CUX2: variants seen among roughly 807,000 people sequenced by gnomAD.
The protein encoded by CUX2 is cut like homeobox 2.
In CUX2, 40 loss-of-function variants were observed where a neutral mutation model predicts 144.8. That is an observed-to-expected ratio of 0.28 (90% CI 0.21 to 0.36). The LOEUF (loss-of-function observed/expected upper bound fraction) is 0.36, where lower values mean the gene tolerates loss of function less well. Among genes scored for constraint, CUX2 ranks in the 10% least tolerant of loss-of-function variants. The pLI is 1.00. For synonymous variants in CUX2, 827 were observed against 875.6 expected (o/e 0.94, Z 0.98); for missense variants, 1,615 against 1,994.0 (o/e 0.81, Z 3.62).
At chr12:111,345,199 CA>C (rs1888739155) in intron 21 of CUX2, among the ~76,000 whole-genome samples, 1 of 151,846 alleles carries the variant, frequency 6.6e-6, no homozygotes, top group East Asian at 1.9e-4. Flanking sequence ...CCTGTAATCC[CA>C]GCACTTTGGG....
At chr12:111,313,806 G>GC (rs1887030691) in intron 16 of CUX2, among the ~76,000 whole-genome samples, 1 of 152,112 alleles carries the variant, frequency 6.6e-6, no homozygotes, top group Non-Finnish European at 1.5e-5. Flanking sequence ...CGACTCTGCT[G>GC]GTGTGGCTGT....
rs1207339905 is a variant in CUX2, at chr12:111,068,939, C to T, written c.63+34699C>T. On this transcript the variant is annotated intron_variant, in intron 1 of 21. Transcript: ENST00000261726. The surrounding 1 kb of genome is among the most constrained non-coding windows in gnomAD (Gnocchi z 4.9). The stretch of plus-strand genomic sequence containing the variant: ...TGGCCAACATGGTGAAACCCCATCT[C>T]TACTAATAATACAAAAAATAGCCGG... Among the ~76,000 whole-genome samples the T allele has an allele frequency of 6.6e-6, 1 of 152,096 alleles. No homozygotes were observed. Among genetic ancestry groups the T allele is most frequent in the African/African-American group, 2.4e-5 (1 of 41,418 alleles).
chr12:111,038,969 T>A (rs914459062), intron 1 of CUX2, among the ~76,000 whole-genome samples: 2 of 152,006 alleles, frequency 1.3e-5, no homozygotes, highest in African/African-American at 2.4e-5. Context: ...TTTTTTTTTT[T>A]AAACTCTCCT....
Position 111,336,128 on chromosome 12 carries a change from C to T in CUX2, c.3196+1418C>T, listed in dbSNP as rs549290488. On this transcript the variant is annotated intron_variant, in intron 19 of 21. Coordinates refer to ENST00000261726, the MANE Select transcript of CUX2 (RefSeq NM_015267.4). ...AAGACGTGGAGAACCCCAGTCACTG[C>T]GGAACTCCAGCTCAGTCCTCACCCG... Among the ~76,000 whole-genome samples, 37 of 152,228 alleles carry T rather than the reference C, an allele frequency of 2.4e-4. 1 individual carries two copies. Among genetic ancestry groups the T allele is most frequent in the African/African-American group, 7.0e-4 (29 of 41,550 alleles).
chr12:111,110,855 C>T (rs185204978), intron 1 of CUX2, among the ~76,000 whole-genome samples: 4 of 152,260 alleles, frequency 2.6e-5, no homozygotes, highest in Non-Finnish European at 4.4e-5. Flanking sequence ...GGAACCCACA[C>T]GTTCAAAGGA....
chr12:111,086,022 C>T (rs1427424967), intron 1 of CUX2, among the ~76,000 whole-genome samples: 1 of 152,202 alleles, frequency 6.6e-6, no homozygotes, highest in African/African-American at 2.4e-5. Flanking sequence ...GAGGCTCCTA[C>T]CTTGTGCCAG....
Position 111,277,654 on chromosome 12 carries a change from TCATTTCCTG to T in CUX2, c.302-13762_302-13754del, listed in dbSNP as rs1460695209. Reference sequence around the variant, plus strand: ...GCCCCAGGAGGGCAGGAATTTTCTATCATTTCCTGCTGGACCTCCACGGCCCAGAGCTTT... The same window carrying T: ...GCCCCAGGAGGGCAGGAATTTTCTATCTGGACCTCCACGGCCCAGAGCTTT... On this transcript the variant is annotated intron_variant, in intron 4 of 21. Coordinates refer to ENST00000261726, the MANE Select transcript of CUX2 (RefSeq NM_015267.4). This position sits in a 1 kb window ranked among gnomAD's most constrained non-coding sequence, Gnocchi z 5.0. Among the ~76,000 whole-genome samples, 1 of 152,144 alleles carries T rather than the reference TCATTTCCTG, an allele frequency of 6.6e-6. No individual in the cohort carries two copies. Among genetic ancestry groups the T allele is most frequent in the Non-Finnish European group, 1.5e-5 (1 of 68,034 alleles).
chr12:111,306,989 G>A lies in CUX2; in HGVS notation c.927G>A (p.Glu309=). 1.2e-6 allele frequency: 2 copies of A among 1,613,818 alleles called. No homozygotes were observed. The highest frequency in any genetic ancestry group is 1.7e-6 in the Non-Finnish European group (2 of 1,179,960). The change falls in exon 11 of 22, where the codon GAG becomes GAA. Residue 309 remains glutamate (E), a synonymous_variant. Coordinates refer to ENST00000261726, the MANE Select transcript of CUX2 (RefSeq NM_015267.4). ...LEAALASKDR[E]ILRLLKDVQH... ...CCGCGCTGGCCTCCAAGGACAGGGAGATCCTGCGGCTGCTGAAGGACGTGC... is the reference window on the plus strand; with the variant it reads ...CCGCGCTGGCCTCCAAGGACAGGGAAATCCTGCGGCTGCTGAAGGACGTGC...
At chr12:111,065,070 T>A (rs936885780) in intron 1 of CUX2, among the ~76,000 whole-genome samples, 3 of 152,224 alleles carry the variant, frequency 2.0e-5, no homozygotes, top group Non-Finnish European at 2.9e-5. Flanking sequence ...CAGTTCCCCA[T>A]GTGTTTTGTA....
intron 2 of CUX2, among the ~76,000 whole-genome samples, chr12:111,216,003 T>A (rs2136226947): frequency 6.6e-6 from 1 of 152,382 alleles, no homozygotes; most frequent in Middle Eastern, 3.4e-3. Flanking sequence ...CAGTCTCTCC[T>A]GATGGAGAAA....
rs572641438 is a variant in CUX2, at chr12:111,068,301, G to T, written c.63+34061G>T. Reference sequence around the variant, plus strand: ...TCTTTCTTTCTTGGATTTGCTCTGGGGTTGGCTTCCTCGAACCAAAATAAC... The same window carrying T: ...TCTTTCTTTCTTGGATTTGCTCTGGTGTTGGCTTCCTCGAACCAAAATAAC... On this transcript the variant is annotated intron_variant, in intron 1 of 21. Coordinates refer to ENST00000261726, the MANE Select transcript of CUX2 (RefSeq NM_015267.4). The surrounding 1 kb of genome is among the most constrained non-coding windows in gnomAD (Gnocchi z 4.9). Among the ~76,000 whole-genome samples, 1 of 152,108 alleles carries T rather than the reference G, an allele frequency of 6.6e-6. No homozygotes were observed. The highest frequency in any genetic ancestry group is 1.5e-5 in the Non-Finnish European group (1 of 68,018).
At chr12:111,142,063 G>A (rs1181568693) in intron 1 of CUX2, among the ~76,000 whole-genome samples, 1 of 152,132 alleles carries the variant, frequency 6.6e-6, no homozygotes, top group Non-Finnish European at 1.5e-5. Flanking sequence ...CAGCCTGGGT[G>A]ACAGAGTGAG....
intron 1 of CUX2, among the ~76,000 whole-genome samples, chr12:111,164,865 C>T (rs1878031254): frequency 6.6e-6 from 1 of 152,136 alleles, no homozygotes; most frequent in African/African-American, 2.4e-5. Context: ...AGAGACTTGT[C>T]CCTGCCTGTA....
At chr12:111,327,300 C>G (rs1390856148) in intron 18 of CUX2, among the ~76,000 whole-genome samples, 1 of 152,126 alleles carries the variant, frequency 6.6e-6, no homozygotes, top group Non-Finnish European at 1.5e-5. Context: ...TGGATAGACC[C>G]CATTTTGACT....
At chr12:111,249,197 CAG>C (rs1332013327) in intron 3 of CUX2, among the ~76,000 whole-genome samples, 1 of 152,168 alleles carries the variant, frequency 6.6e-6, no homozygotes, top group Non-Finnish European at 1.5e-5. Flanking sequence ...TCACACAGCG[CAG>C]AGAACAGGCT....
In CUX2 at chr12:111,063,228, G is replaced by T. The variant is rs1870861269; in HGVS notation, c.63+28988G>T. Among the ~76,000 whole-genome samples the T allele has an allele frequency of 1.3e-5, 2 of 152,138 alleles. 1 individual carries two copies. Among genetic ancestry groups the T allele is most frequent in the South Asian group, 4.1e-4 (2 of 4,824 alleles). ...TGGGCAGATGAGGAGGGGGTTGAGG[G>T]TGGTCCTCACCACATTCAAATACAG... is the stretch of plus-strand genomic sequence containing the variant. On this transcript the variant is annotated intron_variant, in intron 1 of 21. Transcript: ENST00000261726.
intron 1 of CUX2, among the ~76,000 whole-genome samples, chr12:111,110,608 T>A (rs1873881859): frequency 1.3e-5 from 2 of 152,248 alleles, no homozygotes; most frequent in South Asian, 4.1e-4. Flanking sequence ...TTCAGCATAG[T>A]TAATCAGAAT....
chr12:111,103,684 G>A (rs955472885), intron 1 of CUX2, among the ~76,000 whole-genome samples: 2 of 152,148 alleles, frequency 1.3e-5, no homozygotes, highest in Admixed American at 6.5e-5. Context: ...GGACTCTTAC[G>A]GTTCTATCTG....
intron 4 of CUX2, among the ~76,000 whole-genome samples, chr12:111,268,212 TTTTTTGTTTTTTG>T (rs1263332979): frequency 2.7e-5 from 2 of 73,786 alleles, no homozygotes; most frequent in Non-Finnish European, 4.5e-5. Flanking sequence ...TTTTTGTTTG[TTTTTTGTTTTTTG>T]TTTTTTGTTT....
Sources: allele counts gnomAD v4.1 joint callset (sites outside exome capture counted in the v4.1 genomes callset), GRCh38; gene constraint gnomAD v4.1.1; non-coding constraint Gnocchi (gnomAD v3.1); transcripts MANE v1.5; gene names NCBI Gene and HGNC (gene_info 2026-07-23, HGNC 2026-07-21).